Variants in EPM2A observed in about 807,000 individuals in gnomAD.
EPM2A encodes laforin.
EPM2A carries 21 observed loss-of-function variants against 26.5 expected under a neutral mutation model. That is an observed-to-expected ratio of 0.79 (90% CI 0.56 to 1.14). The LOEUF is 1.14. Ranked by LOEUF, EPM2A falls within the 50% of genes most tolerant of loss-of-function variation. The probability of loss-of-function intolerance (pLI) is 0.00; values close to 1 mark genes in which losing one functional copy is unlikely to be tolerated. For synonymous variants in EPM2A, 217 were observed against 177.6 expected, an observed-to-expected ratio of 1.22 and a Z score of -1.76; for missense variants, 458 against 440.8, an observed-to-expected ratio of 1.04 and a Z score of -0.35.
chr6:145,450,419 A>T (rs1247921056), intron 4 of EPM2A, among the ~76,000 whole-genome samples: 1 of 151,998 alleles, frequency 6.6e-6, no homozygotes, highest in Non-Finnish European at 1.5e-5. Flanking sequence ...AACCACTAAC[A>T]TAATGCAGAC....
intron 2 of EPM2A, among the ~76,000 whole-genome samples, chr6:145,579,936 TCA>T (rs1781090058): frequency 6.6e-6 from 1 of 152,200 alleles, no homozygotes; most frequent in African/African-American, 2.4e-5. Context: ...TTATAATAAT[TCA>T]CACATAATAT....
intron 2 of EPM2A, among the ~76,000 whole-genome samples, chr6:145,663,809 G>T (rs865847949): frequency 9.3e-6 from 1 of 107,058 alleles, no homozygotes. Context: ...GACTAACAGC[G>T]GATCTCTCGG....
intron 1 of EPM2A, among the ~76,000 whole-genome samples, chr6:145,694,728 G>A (rs1352228174): frequency 1.3e-5 from 2 of 151,964 alleles, no homozygotes; most frequent in Admixed American, 6.6e-5. Context: ...TAAATGGCAA[G>A]CATCTTTTAA....
At chr6:145,670,865 G>C in intron 2 of EPM2A, 4 of 979,462 alleles carry the variant, frequency 4.1e-6, no homozygotes, top group Non-Finnish European at 4.9e-6. Flanking sequence ...GGTACTCTTA[G>C]AGAACTCTCA....
intron 2 of EPM2A, among the ~76,000 whole-genome samples, chr6:145,537,688 A>G (rs1009460532): frequency 4.6e-5 from 7 of 151,230 alleles, no homozygotes; most frequent in Non-Finnish European, 1.0e-4. Flanking sequence ...GCACCTATCA[A>G]CCTGTAATCT....
At chr6:145,722,857 A>G in intron 1 of EPM2A, 1 of 404,830 alleles carries the variant, frequency 2.5e-6, no homozygotes, top group Non-Finnish European at 4.8e-6. Flanking sequence ...GAAGATAGCC[A>G]TCTATAAACC....
At chr6:145,409,727 A>G (rs1044666177) in intron 4 of EPM2A, among the ~76,000 whole-genome samples, 1 of 151,508 alleles carries the variant, frequency 6.6e-6, no homozygotes, top group African/African-American at 2.4e-5. Flanking sequence ...AGCTAGGGGG[A>G]CTCTGATGAT....
chr6:145,438,289 A>G (rs1779014731), intron 4 of EPM2A, among the ~76,000 whole-genome samples: 1 of 152,114 alleles, frequency 6.6e-6, no homozygotes, highest in Non-Finnish European at 1.5e-5. Context: ...CAGGGCTGAC[A>G]GTACAGGGAG....
chr6:145,520,058 C>A (rs1780182898), intron 2 of EPM2A, among the ~76,000 whole-genome samples: 1 of 152,174 alleles, frequency 6.6e-6, no homozygotes, highest in Non-Finnish European at 1.5e-5. Flanking sequence ...ACTACACTGA[C>A]TTCTTAGACT....
chr6:145,440,087 T>A (rs1003313832), intron 4 of EPM2A, among the ~76,000 whole-genome samples: 4 of 152,192 alleles, frequency 2.6e-5, no homozygotes, highest in African/African-American at 9.7e-5. Context: ...ATTAGCCCGT[T>A]TTCATGCTGC....
At chr6:145,434,351 C>A (rs1273428613) in intron 4 of EPM2A, among the ~76,000 whole-genome samples, 2 of 151,700 alleles carry the variant, frequency 1.3e-5, no homozygotes, top group African/African-American at 4.8e-5. Flanking sequence ...GCAGCTTCAA[C>A]CTCCTGGGCT....
At chr6:145,448,427 C>T (rs1258778897) in intron 4 of EPM2A, among the ~76,000 whole-genome samples, 1 of 151,934 alleles carries the variant, frequency 6.6e-6, no homozygotes. Context: ...AAGAGACCAG[C>T]AAAAGAGACA....
chr6:145,480,428 A>C (rs1490887195), intron 4 of EPM2A, among the ~76,000 whole-genome samples: 1 of 152,126 alleles, frequency 6.6e-6, no homozygotes, highest in East Asian at 1.9e-4. Context: ...TGAGGATTAC[A>C]ATTAGACATG....
intron 1 of EPM2A, among the ~76,000 whole-genome samples, chr6:145,708,649 G>A (rs182433283): frequency 6.6e-6 from 1 of 152,336 alleles, no homozygotes; most frequent in East Asian, 1.9e-4. Flanking sequence ...TGGATGCCCA[G>A]GAAGAAGTTT....
At chr6:145,471,227 C>T (rs529595812) in intron 4 of EPM2A, among the ~76,000 whole-genome samples, 6 of 152,184 alleles carry the variant, frequency 3.9e-5, no homozygotes, top group East Asian at 1.9e-4. Context: ...ATTTAATGAT[C>T]GTAGGAGGAT....
intron 1 of EPM2A, among the ~76,000 whole-genome samples, chr6:145,713,067 T>C (rs1474079631): frequency 2.0e-5 from 3 of 152,242 alleles, no homozygotes; most frequent in Non-Finnish European, 4.4e-5. Context: ...TTTTTATTTT[T>C]ATCTTTTAAT....
At chr6:145,580,945 T>G (rs967912947) in intron 2 of EPM2A, among the ~76,000 whole-genome samples, 1 of 152,236 alleles carries the variant, frequency 6.6e-6, no homozygotes, top group Non-Finnish European at 1.5e-5. Flanking sequence ...TGATTCCATG[T>G]CTTTGCTTTT....
At chr6:145,534,061 T>C (rs1404379016) in intron 2 of EPM2A, among the ~76,000 whole-genome samples, 3 of 148,370 alleles carry the variant, frequency 2.0e-5, no homozygotes, top group African/African-American at 7.4e-5. Flanking sequence ...TTGTTATGGT[T>C]TCACTTACTT....
At chr6:145,481,894 T>C (rs917995686) in intron 4 of EPM2A, among the ~76,000 whole-genome samples, 10 of 149,606 alleles carry the variant, frequency 6.7e-5, no homozygotes, top group Non-Finnish European at 1.5e-4. Flanking sequence ...AGTGAAACCA[T>C]AAACAACATA....
Sources: allele counts gnomAD v4.1 joint callset (sites outside exome capture counted in the v4.1 genomes callset), GRCh38; gene constraint gnomAD v4.1.1; transcripts MANE v1.5; gene names NCBI Gene and HGNC (gene_info 2026-07-23, HGNC 2026-07-21).